Variants in PUDP observed in about 807,000 individuals in gnomAD.
The protein encoded by PUDP is pseudouridine-5'-phosphatase.
Under a neutral mutation model 9.4 loss-of-function variants are expected in PUDP, and 8 were observed. The ratio of observed to expected loss-of-function variants is 0.85; its 90% CI spans 0.50 to 1.53. The LOEUF (loss-of-function observed/expected upper bound fraction) is 1.53, where lower values mean the gene tolerates loss of function less well. PUDP is among the 40% of genes most tolerant of loss of function. PUDP has a pLI of 0.00. For missense variants in PUDP, 188 were observed against 189.7 expected, an observed-to-expected ratio of 0.99 and a Z score of 0.05; for synonymous variants, 99 against 80.7, an observed-to-expected ratio of 1.23 and a Z score of -1.22.
intron 3 of PUDP, among the ~76,000 whole-genome samples, chrX:6,746,774 C>T (rs993707080): frequency 9.0e-6 from 1 of 111,547 alleles, no homozygotes; most frequent in Non-Finnish European, 1.9e-5. Context: ...ATATAGTATT[C>T]CATGGTGTAT....
chrX:6,853,348 T>A (rs1702353444), intron 3 of PUDP, among the ~76,000 whole-genome samples: 1 of 111,056 alleles, frequency 9.0e-6, no homozygotes, highest in Admixed American at 9.6e-5. Flanking sequence ...AATTCCGGGC[T>A]CATGTTAAAA....
intron 3 of PUDP, among the ~76,000 whole-genome samples, chrX:7,076,440 T>C (rs1438793806): frequency 8.9e-6 from 1 of 112,010 alleles, no homozygotes; most frequent in Non-Finnish European, 1.9e-5. Flanking sequence ...TGACTTCCTG[T>C]GATTCTGGAA....
chrX:7,020,884 T>C (rs1247863640), intron 1 of PUDP, among the ~76,000 whole-genome samples: 2 of 112,736 alleles, frequency 1.8e-5, no homozygotes, highest in Non-Finnish European at 3.8e-5. Context: ...TCATGCCCCC[T>C]GTCTATTAGC....
intron 1 of PUDP, among the ~76,000 whole-genome samples, chrX:7,027,141 G>A (rs1929722492): frequency 9.0e-6 from 1 of 111,303 alleles, no homozygotes; most frequent in African/African-American, 3.3e-5. Context: ...TGTTTAGCTT[G>A]CACAGCGTCT....
chrX:6,924,981 T>C (rs1399246221), intron 3 of PUDP, among the ~76,000 whole-genome samples: 2 of 111,940 alleles, frequency 1.8e-5, no homozygotes, highest in African/African-American at 6.5e-5. Context: ...GTAAACATGA[T>C]GCCCAAGGAG....
At chrX:6,768,852 G>A (rs890838116) in intron 3 of PUDP, among the ~76,000 whole-genome samples, 13 of 111,578 alleles carry the variant, frequency 1.2e-4, no homozygotes, top group Non-Finnish European at 2.1e-4. Context: ...ACTTTTACGA[G>A]TTTTATAGAG....
chrX:6,844,019 C>A (rs994162884), intron 3 of PUDP, among the ~76,000 whole-genome samples: 3 of 112,366 alleles, frequency 2.7e-5, no homozygotes, highest in Non-Finnish European at 5.6e-5. Context: ...TCTGGAAGTC[C>A]TAGGGGAGAA....
At chrX:6,737,013 T>TA (rs1411646103) in intron 3 of PUDP, among the ~76,000 whole-genome samples, 2 of 110,896 alleles carry the variant, frequency 1.8e-5, no homozygotes, top group Non-Finnish European at 3.8e-5. Context: ...ACAGTTTTTT[T>TA]AAAAAAGAGG....
intron 1 of PUDP, among the ~76,000 whole-genome samples, chrX:7,109,301 T>C (rs992519071): frequency 8.9e-6 from 1 of 112,264 alleles, no homozygotes; most frequent in Non-Finnish European, 1.9e-5. Context: ...CTTGAGTGTT[T>C]GTTCTAGTAG....
intron 1 of PUDP, among the ~76,000 whole-genome samples, chrX:7,002,454 T>C (rs1929340082): frequency 8.9e-6 from 1 of 111,820 alleles, no homozygotes; most frequent in South Asian, 3.7e-4. Flanking sequence ...AGATCAAATG[T>C]GATACTGGTG....
intron 3 of PUDP, among the ~76,000 whole-genome samples, chrX:6,758,751 G>A (rs1925197322): frequency 9.0e-6 from 1 of 111,311 alleles, no homozygotes; most frequent in Non-Finnish European, 1.9e-5. Flanking sequence ...CAAATCATGT[G>A]CAAGATGGCA....
chrX:6,890,737 T>G (rs1010127314), intron 3 of PUDP, among the ~76,000 whole-genome samples: 1 of 108,371 alleles, frequency 9.2e-6, no homozygotes, highest in Non-Finnish European at 1.9e-5. Context: ...TCAGGATGAG[T>G]CATAGTGCTG....
chrX:6,756,027 C>T (rs1925165482), intron 3 of PUDP, among the ~76,000 whole-genome samples: 1 of 110,771 alleles, frequency 9.0e-6, no homozygotes, highest in Non-Finnish European at 1.9e-5. Context: ...ATTGTAAAGC[C>T]CTTAGTGGAT....
chrX:6,775,502 C>T (rs6639667), intron 3 of PUDP, among the ~76,000 whole-genome samples: 116 of 102,732 alleles, frequency 1.1e-3, no homozygotes, highest in African/African-American at 3.8e-3. Flanking sequence ...TATACACACA[C>T]ATACACACAC....
chrX:6,869,633 T>A (rs758313345), intron 3 of PUDP, among the ~76,000 whole-genome samples: 1 of 110,912 alleles, frequency 9.0e-6, no homozygotes, highest in South Asian at 3.8e-4. Context: ...TCACATGGTA[T>A]CCAGTGAGCA....
chrX:6,970,174 A>G (rs1928850826), intron 3 of PUDP, among the ~76,000 whole-genome samples: 1 of 112,271 alleles, frequency 8.9e-6, no homozygotes, highest in South Asian at 3.7e-4. Context: ...AATAAAATAA[A>G]TAAGTCTGAG....
chrX:6,869,780 T>C (rs1182281917), intron 3 of PUDP, among the ~76,000 whole-genome samples: 1 of 110,033 alleles, frequency 9.1e-6, no homozygotes, highest in Non-Finnish European at 1.9e-5. Context: ...GCTGAGAAAG[T>C]GGAAAAATTG....
intron 1 of PUDP, among the ~76,000 whole-genome samples, chrX:7,037,000 G>A (rs1374202121): frequency 2.7e-5 from 3 of 111,494 alleles, no homozygotes; most frequent in Non-Finnish European, 5.6e-5. Flanking sequence ...CAATCTTTCC[G>A]GTTCTCATCT....
intron 3 of PUDP, among the ~76,000 whole-genome samples, chrX:6,909,687 C>G (rs1187835513): frequency 9.0e-6 from 1 of 111,513 alleles, no homozygotes; most frequent in African/African-American, 3.3e-5. Flanking sequence ...ACACCTTGGT[C>G]TAAAGGCTTG....
Sources: gnomAD v4.1 joint callset for allele counts (sites outside exome capture counted in the v4.1 genomes callset) on GRCh38, gnomAD v4.1.1 for gene constraint, MANE v1.5 for transcripts, NCBI Gene and HGNC (gene_info 2026-07-23, HGNC 2026-07-21) for gene names.